The following SETD7 variants were observed in gnomAD, a reference collection of about 807,000 sequenced individuals.
The protein encoded by SETD7 is histone-lysine N-methyltransferase SETD7.
Under a neutral mutation model 41.8 loss-of-function variants are expected in SETD7, and 16 were observed. The ratio of observed to expected loss-of-function variants is 0.38; its 90% confidence interval spans 0.26 to 0.58. SETD7 has a LOEUF of 0.58. SETD7 is among the 20% of genes least tolerant of loss of function. The probability of loss-of-function intolerance (pLI) is 0.64; values close to 1 mark genes in which losing one functional copy is unlikely to be tolerated. For synonymous variants in SETD7, 163 were observed against 169.7 expected, an observed-to-expected ratio of 0.96 and a Z score of 0.31; for missense variants, 346 against 459.7, an observed-to-expected ratio of 0.75 and a Z score of 2.26.
intron 2 of SETD7, among the ~76,000 whole-genome samples, chr4:139,536,352 T>C (rs1727636178): frequency 6.6e-6 from 1 of 152,148 alleles, no homozygotes; most frequent in South Asian, 2.1e-4. Flanking sequence ...TTTTTCTTCA[T>C]TGAAAACAAA....
At chr4:139,523,964 T>C (rs1320637325) in intron 4 of SETD7, among the ~76,000 whole-genome samples, 2 of 152,182 alleles carry the variant, frequency 1.3e-5, no homozygotes, top group Non-Finnish European at 2.9e-5. Context: ...AGAAGCCAAT[T>C]AGTAATTTAC....
rs149925223 is a variant in SETD7, at chr4:139,553,073, G to A, written c.40+3025C>T. Among the ~76,000 whole-genome samples, 97 of 152,236 alleles carry A rather than the reference G, an allele frequency of 6.4e-4. No individual in the cohort carries two copies. In the East Asian group the frequency reaches 0.017, roughly 27 times the overall value. On this transcript the variant is annotated intron_variant, in intron 1 of 7. Coordinates refer to ENST00000274031, the MANE Select transcript of SETD7 (RefSeq NM_030648.4). The stretch of plus-strand genomic sequence containing the variant: ...GCTCTGAGGTCCTCTGAGGCCCAGG[G>A]CTTGCTGCCTTCTTCCCACAAGAGC...
intron 4 of SETD7, among the ~76,000 whole-genome samples, chr4:139,526,651 C>T (rs1727337760): frequency 6.6e-6 from 1 of 152,014 alleles, no homozygotes; most frequent in Non-Finnish European, 1.5e-5. Flanking sequence ...ATGGTAGGTG[C>T]TAATATCCAC....
intron 3 of SETD7, among the ~76,000 whole-genome samples, chr4:139,529,549 G>T (rs1336969917): frequency 6.6e-6 from 1 of 152,132 alleles, no homozygotes; most frequent in African/African-American, 2.4e-5. Flanking sequence ...ATGTTTCTTT[G>T]ATATTTGTAA....
At chr4:139,541,925 A>G (rs1166312011) in intron 2 of SETD7, among the ~76,000 whole-genome samples, 2 of 152,214 alleles carry the variant, frequency 1.3e-5, no homozygotes, top group African/African-American at 4.8e-5. Context: ...TATGCTGAAG[A>G]GGTATGTGCA....
At chr4:139,525,703 T>C (rs1727307766) in intron 4 of SETD7, among the ~76,000 whole-genome samples, 1 of 152,132 alleles carries the variant, frequency 6.6e-6, no homozygotes, top group African/African-American at 2.4e-5. Flanking sequence ...TGTGAGATAT[T>C]TGCATTAATT....
At chr4:139,533,396 A>T in intron 2 of SETD7, 30 bp from the exon 3 acceptor site, 1 of 1,577,200 alleles carries the variant, frequency 6.3e-7, no homozygotes, top group Admixed American at 1.7e-5. Flanking sequence ...AAAAAGGAAT[A>T]GTCAGACCAT....
chr4:139,502,400 A>G (rs140133282), downstream of SETD7, among the ~76,000 whole-genome samples: 57 of 152,284 alleles, frequency 3.7e-4, no homozygotes, highest in African/African-American at 1.3e-3. Context: ...GGGGTGGTCA[A>G]TGAAGTCCTC....
chr4:139,493,359 C>G (rs1044504350), downstream of SETD7, among the ~76,000 whole-genome samples: 1 of 152,054 alleles, frequency 6.6e-6, no homozygotes, highest in Non-Finnish European at 1.5e-5. Context: ...TCCAGGAAAA[C>G]GCTTGGCAAG....
rs376979407 is a variant in SETD7, at chr4:139,533,177, C to G, written c.360G>C (p.Trp120Cys). Residue 120 changes from tryptophan (W) to cysteine (C), a missense_variant, in exon 3 of 8, where the codon TGG (tryptophan) becomes TGC (cysteine). By Grantham distance (215) the Trp-to-Cys change is radical. This residue lies in a region of SETD7 where 266 missense variants were observed against 377.0 expected (regional missense o/e 0.71). Transcript: ENST00000274031. ...YKDNIRHGVC[W>C]IYYPDGGSLV... ...TCACACGGCTTACTGGGTAATATAT[C>G]CAGCACACTCCATGACGAATGTTAT... 30 of 1,613,690 alleles carry G rather than the reference C, an allele frequency of 1.9e-5. No homozygotes were observed. The highest frequency in any genetic ancestry group is 2.5e-5 in the Non-Finnish European group (30 of 1,179,742).
intron 2 of SETD7, among the ~76,000 whole-genome samples, chr4:139,537,054 C>T (rs1727658677): frequency 6.6e-6 from 1 of 152,184 alleles, no homozygotes; most frequent in Admixed American, 6.5e-5. Flanking sequence ...TGGCTCACTG[C>T]AACCTCTGCC....
intron 3 of SETD7, 63 bp from the exon 4 acceptor site, chr4:139,529,283 A>G (rs2111146854): frequency 3.6e-6 from 5 of 1,388,386 alleles, no homozygotes; most frequent in Non-Finnish European, 4.9e-6. Context: ...ATGAGTCCCA[A>G]GAAATTTCTC....
chr4:139,511,366 G>A lies in SETD7; in HGVS notation c.*297C>T. On this transcript the variant is annotated 3_prime_UTR_variant, in exon 8 of 8. Coordinates refer to ENST00000274031, the MANE Select transcript of SETD7 (RefSeq NM_030648.4). ...TTTCCCTGTTTCAGTCTAATCATTTGGCATCTCCGAATGTGGTACAGATTT... is the reference window on the plus strand; with the variant it reads ...TTTCCCTGTTTCAGTCTAATCATTTAGCATCTCCGAATGTGGTACAGATTT... 2.8e-6 allele frequency: 1 copy of A among 351,688 alleles called. No homozygotes were observed. The allele number at this position is 351,688 out of a possible 1,614,324, so 21.8% of individuals were successfully genotyped here. A position where few individuals can be genotyped will look rare whatever the true frequency, so the allele number is the denominator to read the frequency against.
intron 5 of SETD7, among the ~76,000 whole-genome samples, chr4:139,521,803 C>T (rs974638417): frequency 6.6e-6 from 1 of 152,186 alleles, no homozygotes; most frequent in African/African-American, 2.4e-5. Context: ...CCAGACTTTT[C>T]ACTGTCTCCA....
At chr4:139,505,268 C>A (rs1385498147), downstream of SETD7, among the ~76,000 whole-genome samples, 1 of 152,150 alleles carries the variant, frequency 6.6e-6, no homozygotes, top group African/African-American at 2.4e-5. Flanking sequence ...TATGTTGACT[C>A]CTTTTGTCAC....
intron 7 of SETD7, among the ~76,000 whole-genome samples, chr4:139,516,839 A>G (rs1727040221): frequency 6.6e-6 from 1 of 152,172 alleles, no homozygotes; most frequent in Non-Finnish European, 1.5e-5. Flanking sequence ...TAATTTTAGA[A>G]CACCCGCCTT....
At chr4:139,536,961 C>T (rs956430906) in intron 2 of SETD7, among the ~76,000 whole-genome samples, 3 of 152,116 alleles carry the variant, frequency 2.0e-5, no homozygotes, top group Non-Finnish European at 1.5e-5. Context: ...CGAGATCGCA[C>T]CACTGCAATC....
rs34969738 is a variant in SETD7 at position 139,555,182 on chromosome 4, CAA to C, written c.40+914_40+915del. On this transcript the variant is annotated intron_variant, in intron 1 of 7. Coordinates refer to ENST00000274031, the MANE Select transcript of SETD7 (RefSeq NM_030648.4). This position sits in a 1 kb window ranked among gnomAD's most constrained non-coding sequence, Gnocchi z 4.0. ...CCCCACATCGTTTTTTCAGAACTAA[CAA>C]AAAAAAAAAAAAAAAGGTGGAGAAA... 5.2e-3 allele frequency among the ~76,000 whole-genome samples: 577 copies of C among 110,272 alleles called. 3 individuals are homozygous for C. The highest frequency in any genetic ancestry group is 0.015 in the African/African-American group (496 of 32,014). The allele number at this position is 110,272 out of a possible 152,430, so 72.3% of individuals were successfully genotyped here.
intron 1 of SETD7, among the ~76,000 whole-genome samples, chr4:139,554,463 AAGAG>A (rs1728201537): frequency 6.6e-6 from 1 of 152,254 alleles, no homozygotes; most frequent in Non-Finnish European, 1.5e-5. Context: ...ACGTTGAAGA[AAGAG>A]AGCAAGCCCT....
Sources: gnomAD v4.1 joint callset for allele counts (sites outside exome capture counted in the v4.1 genomes callset) on GRCh38, gnomAD v4.1.1 for gene constraint, gnomAD v4.1.1 regional missense constraint, Gnocchi (gnomAD v3.1) non-coding constraint, MANE v1.5 for transcripts, NCBI Gene and HGNC (gene_info 2026-07-23, HGNC 2026-07-21) for gene names.